The following AP4S1 variants were observed in gnomAD, a reference collection of about 807,000 sequenced individuals.
AP4S1 encodes adaptor related protein complex 4 subunit sigma 1, also known as AP-4 complex subunit sigma-1.
Under a neutral mutation model 19.8 loss-of-function variants are expected in AP4S1, and 23 were observed. The observed-to-expected ratio is 1.16, with a 90% CI of 0.84 to 1.65. The LOEUF is 1.65. AP4S1 is among the 40% of genes most tolerant of loss of function. AP4S1 has a pLI of 0.00. For missense variants in AP4S1, 166 were observed against 172.8 expected (o/e 0.96, Z 0.22); for synonymous variants, 46 against 54.1 (o/e 0.85, Z 0.66).
At position 31,078,767 on chromosome 14, in the gene AP4S1, G is replaced by T. The variant is rs182608012; in HGVS notation, c.295-1806G>T. 1.8e-4 allele frequency among the ~76,000 whole-genome samples: 28 copies of T among 152,258 alleles called. 1 individual carries two copies. Among genetic ancestry groups the T allele is most frequent in the Admixed American group, 5.9e-4 (9 of 15,282 alleles). ...AAGTAAAGATTAGAATTTAATTTCA[G>T]CCAGGTGATTATGCAGGACTTGGAC... is the stretch of plus-strand genomic sequence containing the variant. On this transcript the variant is annotated intron_variant, in intron 4 of 5. Transcript: ENST00000542754.
chr14:31,085,069 C>G, intron 5 of AP4S1: 1 of 1,419,660 alleles, frequency 7.0e-7, no homozygotes, highest in East Asian at 2.6e-5. Context: ...AGCAGTACTG[C>G]CTTCAGGCCT....
rs775445638 is a variant in AP4S1, at chr14:31,028,064, A to G, written c.-72+2277A>G. On this transcript the variant is annotated intron_variant, in intron 1 of 5. Transcript: ENST00000542754. ...ATCTGCTTTACTGTTATTACAGTTT[A>G]ATGGAAAGCAGATTGGACCTGTTAC... Among the ~76,000 whole-genome samples the G allele has an allele frequency of 7.2e-5, 11 of 152,254 alleles. 1 individual carries two copies. The highest frequency in any genetic ancestry group is 6.2e-4 in the South Asian group (3 of 4,834).
chr14:31,050,954 TA>T (rs1885754714), intron 1 of AP4S1, among the ~76,000 whole-genome samples: 1 of 152,102 alleles, frequency 6.6e-6, no homozygotes. Context: ...TGGGTTTGTC[TA>T]ATGTATTTTC....
Position 31,074,696 on chromosome 14 carries a change from G to A in AP4S1, c.294+1723G>A, listed in dbSNP as rs147326921. Among the ~76,000 whole-genome samples, 709 of 152,146 alleles carry A rather than the reference G, an allele frequency of 4.7e-3. 9 individuals are homozygous for A. Among genetic ancestry groups the A allele is most frequent in the African/African-American group, 0.016 (648 of 41,516 alleles). ...TCAAATAAATAAATAAATAAAGTAA[G>A]TGTATAATCAAGCTGGGTGTGGAGG... On this transcript the variant is annotated intron_variant, in intron 4 of 5. Coordinates refer to ENST00000542754, the MANE Select transcript of AP4S1 (RefSeq NM_001128126.3).
At chr14:31,025,575 C>T (rs1204487257), upstream of AP4S1, 2 of 411,662 alleles carry the variant, frequency 4.9e-6, no homozygotes, top group Non-Finnish European at 9.0e-6. Flanking sequence ...CGGACTCTCC[C>T]ACAGAGAGGT....
chr14:31,081,884 A>G (rs1887656309), intron 5 of AP4S1, among the ~76,000 whole-genome samples: 1 of 151,764 alleles, frequency 6.6e-6, no homozygotes, highest in African/African-American at 2.4e-5. Flanking sequence ...TTTTGTAGAG[A>G]TGGGGTTTCG....
chr14:31,092,759 C>G (rs1295893538), intron 5 of AP4S1, 148 bp from the exon 6 acceptor site: 2 of 578,648 alleles, frequency 3.5e-6, no homozygotes, highest in African/African-American at 3.9e-5. Context: ...AATATGGATG[C>G]CAGTTTTAAA....
chr14:31,072,056 T>C (rs559406649), intron 3 of AP4S1, among the ~76,000 whole-genome samples: 7 of 151,944 alleles, frequency 4.6e-5, no homozygotes, highest in African/African-American at 1.7e-4. Context: ...TTCTCCTGCC[T>C]CAGCCTCCCA....
chr14:31,081,330 A>G (rs1236744335), intron 5 of AP4S1, among the ~76,000 whole-genome samples: 1 of 152,162 alleles, frequency 6.6e-6, no homozygotes, highest in Non-Finnish European at 1.5e-5. Context: ...GATAAACTGG[A>G]AGGTTAAAGA....
At position 31,094,881 on chromosome 14, in the gene AP4S1, T is replaced by C. The variant is rs1251361344; in HGVS notation, c.*1846T>C. On this transcript the variant is annotated 3_prime_UTR_variant, in exon 6 of 6. Transcript: ENST00000542754. ...AATACAAAAAGTTAGCCAGGCATGG[T>C]GGCAAGCACCTCTAATCTCAGCTAC... is the stretch of plus-strand genomic sequence containing the variant. 2 of 152,226 alleles carry C rather than the reference T, an allele frequency of 1.3e-5. No individual in the cohort carries two copies. The highest frequency in any genetic ancestry group is 2.9e-5 in the Non-Finnish European group (2 of 68,080). 9.4% of individuals were successfully genotyped at this position (152,226 alleles called of 1,614,324 possible).
At chr14:31,049,615 CACAA>C (rs1290231334) in intron 1 of AP4S1, among the ~76,000 whole-genome samples, 1 of 151,152 alleles carries the variant, frequency 6.6e-6, no homozygotes, top group Non-Finnish European at 1.5e-5. Context: ...CAGACACACA[CACAA>C]ACAAGCCCTC....
intron 4 of AP4S1, among the ~76,000 whole-genome samples, chr14:31,076,425 A>G (rs1174518641): frequency 6.6e-6 from 1 of 152,244 alleles, no homozygotes; most frequent in Non-Finnish European, 1.5e-5. Context: ...GATGTTGAGC[A>G]TCTTTTCATA....
chr14:31,029,685 C>T (rs574305900), intron 1 of AP4S1, among the ~76,000 whole-genome samples: 5 of 152,018 alleles, frequency 3.3e-5, no homozygotes, highest in Non-Finnish European at 7.4e-5. Flanking sequence ...AGAGTGGCCA[C>T]GTGAGTCTGT....
chr14:31,090,282 G>C lies in AP4S1; in HGVS notation c.307-2625G>C, dbSNP rs114776869. The stretch of plus-strand genomic sequence containing the variant: ...ATTACAGGTGTGAGCCACCGTGCCC[G>C]GCCTCATTTCAATCACTGTAATTAA... On this transcript the variant is annotated intron_variant, in intron 5 of 5. Coordinates refer to ENST00000542754, the MANE Select transcript of AP4S1 (RefSeq NM_001128126.3). 9.8e-3 allele frequency among the ~76,000 whole-genome samples: 1,492 copies of C among 152,234 alleles called. 25 individuals carry two copies. The highest frequency in any genetic ancestry group is 0.034 in the African/African-American group (1,406 of 41,532).
At chr14:31,062,874 G>A (rs779794346) in intron 1 of AP4S1, among the ~76,000 whole-genome samples, 6 of 152,052 alleles carry the variant, frequency 3.9e-5, no homozygotes, top group Non-Finnish European at 7.4e-5. Flanking sequence ...GGCTGAGGTA[G>A]GAGAATGGCA....
intron 1 of AP4S1, among the ~76,000 whole-genome samples, chr14:31,049,432 T>A (rs1378448933): frequency 0.01 from 452 of 44,726 alleles, 3 homozygotes; most frequent in Admixed American, 0.012. Flanking sequence ...AAAAAAAATA[T>A]ATATATATAT....
chr14:31,080,793 C>A (rs576212756), intron 5 of AP4S1: 6 of 716,646 alleles, frequency 8.4e-6, no homozygotes, highest in Non-Finnish European at 1.5e-5. Flanking sequence ...CTTTTTTTTT[C>A]TTTTTAAGAT....
intron 1 of AP4S1, among the ~76,000 whole-genome samples, chr14:31,055,162 G>A (rs931895166): frequency 6.6e-6 from 1 of 150,868 alleles, no homozygotes. Flanking sequence ...ATATATATTT[G>A]TATACTGGGC....
At chr14:31,040,931 A>AG (rs1372931475) in intron 1 of AP4S1, among the ~76,000 whole-genome samples, 1 of 151,676 alleles carries the variant, frequency 6.6e-6, no homozygotes. Flanking sequence ...AAAATTAGCC[A>AG]GGCATGGTGG....
Sources: gnomAD v4.1 joint callset for allele counts (sites outside exome capture counted in the v4.1 genomes callset) on GRCh38, gnomAD v4.1.1 for gene constraint, MANE v1.5 for transcripts, NCBI Gene and HGNC (gene_info 2026-07-23, HGNC 2026-07-21) for gene names.